Variants in ZNF544 observed in about 807,000 individuals in gnomAD.
The protein encoded by ZNF544 is zinc finger protein AF020591.
In ZNF544, 10 loss-of-function variants were observed where a neutral mutation model predicts 13.5. That is an observed-to-expected ratio of 0.74 (90% CI 0.46 to 1.25). The LOEUF is 1.25. ZNF544 is among the 50% of genes most tolerant of loss of function. The pLI, the probability that ZNF544 is intolerant of heterozygous loss-of-function variation, is 0.00. For synonymous variants in ZNF544, 323 were observed against 300.5 expected (o/e 1.07, Z -0.77); for missense variants, 896 against 845.6 (o/e 1.06, Z -0.74).
At chr19:58,232,765 TAA>T (rs529610316) in intron 3 of ZNF544, among the ~76,000 whole-genome samples, 170 of 108,154 alleles carry the variant, frequency 1.6e-3, no homozygotes, top group African/African-American at 5.0e-3. Context: ...CCGTCTCTAC[TAA>T]AAAAAAAAAA....
chr19:58,249,083 G>A (rs1220483464), intron 6 of ZNF544, among the ~76,000 whole-genome samples: 1 of 152,160 alleles, frequency 6.6e-6, no homozygotes, highest in Non-Finnish European at 1.5e-5. Context: ...GACACAGAAG[G>A]CGGGGGTTGC....
intron 5 of ZNF544, among the ~76,000 whole-genome samples, chr19:58,269,236 AC>A (rs1436534279): frequency 6.6e-6 from 1 of 150,780 alleles, no homozygotes; most frequent in Non-Finnish European, 1.5e-5. Context: ...AGAGTTTGAG[AC>A]CAGCCTGGCC....
chr19:58,246,595 G>T, intron 5 of ZNF544, 116 bp from the exon 6 acceptor site: 1 of 1,463,700 alleles, frequency 6.8e-7, no homozygotes, highest in Non-Finnish European at 9.3e-7. Flanking sequence ...TTTGTGACTT[G>T]TAGTCCTAAC....
chr19:58,246,621 C>T lies in ZNF544; in HGVS notation c.161-90C>T, dbSNP rs116775807. 2.3e-4 allele frequency: 342 copies of T among 1,510,452 alleles called. 1 individual carries two copies. In the African/African-American group the frequency reaches 2.9e-3, roughly 13 times the overall value. The allele number at this position is 1,510,452 out of a possible 1,614,324, so 93.6% of individuals were successfully genotyped here. ...TAGTCCTAACAGTGGGGAGTTTCCT[C>T]GGGACAGCACTAGGGGCTGAAGCTT... On this transcript the variant is annotated intron_variant, in intron 5 of 6. Coordinates refer to ENST00000687789, the MANE Select transcript of ZNF544 (RefSeq NM_014480.4).
rs1024863167 is a variant in ZNF544 at position 58,239,977 on chromosome 19, C to T, written c.-59-3988C>T. ...GGGAGAGACCAGGACCAGCATTCAG[C>T]TCATTCAGCTCCCAGTGGAGTTGCG... On this transcript the variant is annotated intron_variant, in intron 3 of 6. Coordinates refer to ENST00000687789, the MANE Select transcript of ZNF544 (RefSeq NM_014480.4). 3.3e-5 allele frequency among the ~76,000 whole-genome samples: 5 copies of T among 152,236 alleles called. No homozygotes were observed. The South Asian group carries it at 1.0e-3, about 32-fold the overall frequency.
At chr19:58,241,463 C>CA (rs1285790941) in intron 3 of ZNF544, among the ~76,000 whole-genome samples, 1 of 150,946 alleles carries the variant, frequency 6.6e-6, no homozygotes, top group Non-Finnish European at 1.5e-5. Context: ...CCAAACTTGT[C>CA]ATCTGATAGC....
In ZNF544 at chr19:58,261,282, A is replaced by G. The variant is rs749834831; in HGVS notation, c.676A>G (p.Ile226Val). 2.3e-5 allele frequency: 37 copies of G among 1,614,034 alleles called. No individual in the cohort carries two copies. Among genetic ancestry groups the G allele is most frequent in the East Asian group, 4.5e-5 (2 of 44,900 alleles). ...GTGTGCTAGAGCTTTCTGTCAGAGTATTTACTTGAGTAAACTTGGAAACGT... is the reference window on the plus strand; with the variant it reads ...GTGTGCTAGAGCTTTCTGTCAGAGTGTTTACTTGAGTAAACTTGGAAACGT... ...HQCARAFCQSIYLSKLGNVET... is the reference protein window; with the variant it reads ...HQCARAFCQSVYLSKLGNVET... The change falls in exon 7 of 7, where the codon ATT becomes GTT. Residue 226 changes from isoleucine to valine, a missense_variant. Ile to Val is a conservative substitution (Grantham distance 29). Transcript: ENST00000687789.
intron 6 of ZNF544, among the ~76,000 whole-genome samples, chr19:58,255,991 C>T (rs780244873): frequency 1.3e-5 from 2 of 152,166 alleles, no homozygotes; most frequent in African/African-American, 2.4e-5. Flanking sequence ...GTCCTTCACC[C>T]GAACTGGGTG....
intron 3 of ZNF544, among the ~76,000 whole-genome samples, chr19:58,233,052 C>A (rs1173385980): frequency 6.6e-6 from 1 of 151,358 alleles, no homozygotes; most frequent in East Asian, 1.9e-4. Flanking sequence ...GTCTCACAAT[C>A]ATGGCGGAAG....
chr19:58,250,628 G>C (rs1051838100), intron 6 of ZNF544, among the ~76,000 whole-genome samples: 1 of 152,100 alleles, frequency 6.6e-6, no homozygotes, highest in African/African-American at 2.4e-5. Flanking sequence ...CAAAATTTTG[G>C]CTTCTCTTAA....
At chr19:58,253,516 G>A (rs749788444) in intron 6 of ZNF544, among the ~76,000 whole-genome samples, 1 of 152,210 alleles carries the variant, frequency 6.6e-6, no homozygotes, top group Non-Finnish European at 1.5e-5. Flanking sequence ...TCAGCTCACT[G>A]CAACCTTCAT....
At chr19:58,253,021 T>C (rs2046554741) in intron 6 of ZNF544, among the ~76,000 whole-genome samples, 1 of 152,202 alleles carries the variant, frequency 6.6e-6, no homozygotes, top group African/African-American at 2.4e-5. Flanking sequence ...GGTTTCACCA[T>C]GTTGGCCAGG....
Position 58,261,550 on chromosome 19 carries a change from A to C in ZNF544, c.944A>C (p.Gln315Pro). 6.2e-7 allele frequency: 1 copy of C among 1,614,194 alleles called. No homozygotes were observed. Among genetic ancestry groups the C allele is most frequent in the South Asian group, 1.1e-5 (1 of 91,088 alleles). Residue 315 changes from glutamine (Q) to proline (P), a missense_variant, in exon 7 of 7, where the codon CAA (glutamine) becomes CCA (proline). Gln to Pro is a moderately conservative substitution (Grantham distance 76). Coordinates refer to ENST00000687789, the MANE Select transcript of ZNF544 (RefSeq NM_014480.4). ...TGTTCTGAGAGTCTGTGCCTTGTACAAACAGAAAGAAGTGGCCCTGGAGAG... is the reference window on the plus strand; with the variant it reads ...TGTTCTGAGAGTCTGTGCCTTGTACCAACAGAAAGAAGTGGCCCTGGAGAG... ...ETCSESLCLV[Q>P]TERSGPGETP... is the part of the protein sequence containing the mutation.
At chr19:58,251,121 A>T (rs2046230176) in intron 6 of ZNF544, among the ~76,000 whole-genome samples, 2 of 152,208 alleles carry the variant, frequency 1.3e-5, no homozygotes, top group South Asian at 4.1e-4. Context: ...AATGCTTGTT[A>T]TAAGAATTAA....
chr19:58,253,156 A>G (rs1189797615), intron 6 of ZNF544, among the ~76,000 whole-genome samples: 14 of 152,256 alleles, frequency 9.2e-5, no homozygotes, highest in Admixed American at 9.2e-4. Flanking sequence ...CAGATATCCA[A>G]TGAACATCAA....
At chr19:58,249,296 C>T (rs190640495) in intron 6 of ZNF544, among the ~76,000 whole-genome samples, 31 of 152,238 alleles carry the variant, frequency 2.0e-4, no homozygotes, top group African/African-American at 7.5e-4. Context: ...CTGCTTTATG[C>T]TGACCTGAGG....
At chr19:58,276,260 A>T in intron 5 of ZNF544, 1 of 866,302 alleles carries the variant, frequency 1.2e-6, no homozygotes. Context: ...CTACCTCTCC[A>T]ACACTGGTGG....
chr19:58,261,409 A>G lies in ZNF544; in HGVS notation c.803A>G (p.Lys268Arg). ...CATGGTAGAACTTTTTCAGTGAAGA[A>G]AAGTGATGACTGTAAGGATTATGGA... Reference protein sequence around the residue: ...CFHGRTFSVKKSDDCKDYGNL... With the variant: ...CFHGRTFSVKRSDDCKDYGNL... Residue 268 changes from lysine (K) to arginine (R), a missense_variant, in exon 7 of 7, where the codon AAA becomes AGA. Physicochemically the swap from Lys to Arg is conservative, Grantham distance 26 (BLOSUM62 2). Coordinates refer to ENST00000687789, the MANE Select transcript of ZNF544 (RefSeq NM_014480.4). 1 of 1,614,188 alleles carries G rather than the reference A, an allele frequency of 6.2e-7. No homozygotes were observed. The highest frequency in any genetic ancestry group is 2.2e-5 in the East Asian group (1 of 44,870).
intron 3 of ZNF544, chr19:58,242,383 A>C: frequency 1.3e-6 from 1 of 741,624 alleles, no homozygotes; most frequent in Non-Finnish European, 1.6e-6. Flanking sequence ...TTGATATTCC[A>C]GGGAATTTTT....
Sources: gnomAD v4.1 joint callset for allele counts (sites outside exome capture counted in the v4.1 genomes callset) on GRCh38, gnomAD v4.1.1 for gene constraint, MANE v1.5 for transcripts, NCBI Gene and HGNC (gene_info 2026-07-23, HGNC 2026-07-21) for gene names.